The following R3HDML variants were observed in gnomAD, a reference collection of about 807,000 sequenced individuals.
R3HDML encodes the protein peptidase inhibitor R3HDML.
In R3HDML, 21 loss-of-function variants were observed where a neutral mutation model predicts 24.2. The ratio of observed to expected loss-of-function variants is 0.87; its 90% CI spans 0.62 to 1.25. R3HDML has a LOEUF of 1.25. Among genes scored for constraint, R3HDML ranks in the 50% most tolerant of loss-of-function variants. R3HDML has a pLI of 0.00. For synonymous variants in R3HDML, 133 were observed against 131.5 expected, an observed-to-expected ratio of 1.01 and a Z score of -0.08; for missense variants, 301 against 340.3, an observed-to-expected ratio of 0.88 and a Z score of 0.91.
chr20:44,337,178 C>A lies in R3HDML; in HGVS notation c.21C>A (p.Thr7=). 1 of 1,613,336 alleles carries A rather than the reference C, an allele frequency of 6.2e-7. No individual in the cohort carries two copies. Among genetic ancestry groups the A allele is most frequent in the Non-Finnish European group, 8.5e-7 (1 of 1,179,890 alleles). MPLLPS[T]VGLAGLLFWA... is the part of the protein sequence containing the mutation. ...CAGCTATGCCCCTGCTGCCCAGCAC[C>A]GTGGGCCTGGCAGGCCTGCTCTTCT... The change falls in exon 1 of 5, where the codon ACC becomes ACA. Residue 7 remains threonine (T), a synonymous_variant. Transcript: ENST00000217043. This position sits in a 1 kb window ranked among gnomAD's most constrained non-coding sequence, Gnocchi z 4.7.
intron 1 of R3HDML, among the ~76,000 whole-genome samples, chr20:44,338,984 A>AT (rs1015900828): frequency 2.0e-5 from 3 of 151,736 alleles, no homozygotes; most frequent in Non-Finnish European, 2.9e-5. Flanking sequence ...GAGGCAGGAG[A>AT]ATCGCTTGAA....
Position 44,343,388 on chromosome 20 carries a change from T to C in R3HDML, c.392T>C (p.Val131Ala). ...LSIHSGQYRS[V>A]VDLMKSWSEE... ...CCCCGCCTCCCCAGGTACCGGTCCG[T>C]AGTGGATCTCATGAAGTCCTGGTCT... Residue 131 changes from valine (V) to alanine (A), a missense_variant, in exon 3 of 5, where the codon GTA (valine) becomes GCA (alanine). By Grantham distance (64) the Val-to-Ala change is moderately conservative (BLOSUM62 0). Coordinates refer to ENST00000217043, the MANE Select transcript of R3HDML (RefSeq NM_178491.4). The C allele has an allele frequency of 6.2e-7, 1 of 1,611,582 alleles. No individual in the cohort carries two copies. Among genetic ancestry groups the C allele is most frequent in the East Asian group, 2.2e-5 (1 of 44,602 alleles).
rs138012908 is a variant in R3HDML at position 44,337,324 on chromosome 20, G to A, written c.167G>A (p.Arg56His). The change falls in exon 1 of 5, where the codon CGC becomes CAC. Residue 56 changes from arginine to histidine, a missense_variant. Arg to His is a conservative substitution (Grantham distance 29). Coordinates refer to ENST00000217043, the MANE Select transcript of R3HDML (RefSeq NM_178491.4). The surrounding 1 kb of genome is among the most constrained non-coding windows in gnomAD (Gnocchi z 4.7). ...GAGGTGCCCAGGTACCGCCGGAAGCGCCACATCTCTGTGAGAGACATGAAT... is the reference window on the plus strand; with the variant it reads ...GAGGTGCCCAGGTACCGCCGGAAGCACCACATCTCTGTGAGAGACATGAAT... ...GLEVPRYRRKRHISVRDMNAL... is the reference protein window; with the variant it reads ...GLEVPRYRRKHHISVRDMNAL... The A allele has an allele frequency of 4.0e-5, 64 of 1,614,184 alleles. No homozygotes were observed. Among genetic ancestry groups the A allele is most frequent in the South Asian group, 1.2e-4 (11 of 91,082 alleles).
At chr20:44,345,848 C>T (rs1361256782) in intron 4 of R3HDML, among the ~76,000 whole-genome samples, 1 of 125,368 alleles carries the variant, frequency 8.0e-6, no homozygotes, top group Non-Finnish European at 1.9e-5. Context: ...GAGAAGAGGC[C>T]TTGCTCTCTC....
At chr20:44,338,604 AC>A (rs2062764054) in intron 1 of R3HDML, among the ~76,000 whole-genome samples, 1 of 152,142 alleles carries the variant, frequency 6.6e-6, no homozygotes, top group Non-Finnish European at 1.5e-5. Context: ...CGTGTGTGGC[AC>A]CTGCCCCAAC....
chr20:44,338,712 C>T (rs2062764359), intron 1 of R3HDML, among the ~76,000 whole-genome samples: 1 of 152,148 alleles, frequency 6.6e-6, no homozygotes, highest in Non-Finnish European at 1.5e-5. Context: ...TGATGTTTAG[C>T]CTGCTCCTTC....
At chr20:44,338,636 C>G (rs80091683) in intron 1 of R3HDML, among the ~76,000 whole-genome samples, 2 of 152,118 alleles carry the variant, frequency 1.3e-5, no homozygotes, top group African/African-American at 4.8e-5. Context: ...TGATTGCAGG[C>G]GGCATGGAGC....
chr20:44,345,452 C>A, intron 4 of R3HDML, 74 bp downstream of exon 4: 1 of 971,014 alleles, frequency 1.0e-6, no homozygotes, highest in Non-Finnish European at 1.6e-6. Context: ...GAAAGATACG[C>A]TCCATATCCC....
intron 1 of R3HDML, 59 bp from the exon 2 acceptor site, chr20:44,341,135 GAC>G: frequency 1.4e-6 from 2 of 1,393,174 alleles, no homozygotes; most frequent in South Asian, 2.4e-5. Flanking sequence ...TGCATCTCTG[GAC>G]ACAGTTGTGA....
chr20:44,349,978 G>A (rs1416940194), intron 4 of R3HDML, among the ~76,000 whole-genome samples: 6 of 152,224 alleles, frequency 3.9e-5, no homozygotes, highest in African/African-American at 1.4e-4. Context: ...GCTGAGGCAC[G>A]AGAATTGCTT....
chr20:44,344,262 C>T (rs923947705), intron 3 of R3HDML, among the ~76,000 whole-genome samples: 7 of 149,298 alleles, frequency 4.7e-5, no homozygotes, highest in Non-Finnish European at 8.9e-5. Flanking sequence ...GCCTGGGCAA[C>T]AGAACGAGAC....
At chr20:44,339,630 G>C (rs1422769944) in intron 1 of R3HDML, among the ~76,000 whole-genome samples, 1 of 149,092 alleles carries the variant, frequency 6.7e-6, no homozygotes, top group Non-Finnish European at 1.5e-5. Flanking sequence ...TATATATAGA[G>C]AGCTGCTTGT....
intron 4 of R3HDML, among the ~76,000 whole-genome samples, chr20:44,345,829 C>CTTTCTTTTTTTTTTTTTTTT (rs1428987914): frequency 0.013 from 1,863 of 147,270 alleles, 41 homozygotes; most frequent in Non-Finnish European, 0.018. Flanking sequence ...TTCTTTCTTT[C>CTTTCTTTTTTTTTTTTTTTT]TTTTTTTTGA....
chr20:44,338,854 C>T (rs6073413), intron 1 of R3HDML, among the ~76,000 whole-genome samples: 11 of 152,176 alleles, frequency 7.2e-5, no homozygotes, highest in African/African-American at 2.6e-4. Flanking sequence ...GGTGAATCAC[C>T]TGAGGTCAGG....
At chr20:44,346,780 G>C (rs1316809175) in intron 4 of R3HDML, among the ~76,000 whole-genome samples, 1 of 152,228 alleles carries the variant, frequency 6.6e-6, no homozygotes, top group African/African-American at 2.4e-5. Context: ...GGAGATGCCT[G>C]CATACAAGCC....
At chr20:44,342,843 A>C (rs1279968016) in intron 2 of R3HDML, among the ~76,000 whole-genome samples, 1 of 152,186 alleles carries the variant, frequency 6.6e-6, no homozygotes, top group African/African-American at 2.4e-5. Context: ...AGTCCCAGCT[A>C]CTTGGGAGGC....
intron 3 of R3HDML, among the ~76,000 whole-genome samples, chr20:44,344,097 C>T (rs570524572): frequency 5.9e-5 from 9 of 152,180 alleles, no homozygotes; most frequent in African/African-American, 1.9e-4. Flanking sequence ...CTGGCTAACA[C>T]GGTGAGACCC....
At chr20:44,349,614 G>A (rs777477966) in intron 4 of R3HDML, among the ~76,000 whole-genome samples, 3 of 152,174 alleles carry the variant, frequency 2.0e-5, no homozygotes, top group South Asian at 2.1e-4. Flanking sequence ...CAACAATCAC[G>A]TTTGGAGAAA....
intron 3 of R3HDML, among the ~76,000 whole-genome samples, chr20:44,344,491 A>G (rs1366608978): frequency 6.6e-6 from 1 of 151,866 alleles, no homozygotes; most frequent in Non-Finnish European, 1.5e-5. Context: ...TATAGAAAAT[A>G]TATTGGCTGG....
Sources: gnomAD v4.1 joint callset for allele counts (sites outside exome capture counted in the v4.1 genomes callset) on GRCh38, gnomAD v4.1.1 for gene constraint, Gnocchi (gnomAD v3.1) non-coding constraint, MANE v1.5 for transcripts, NCBI Gene and HGNC (gene_info 2026-07-23, HGNC 2026-07-21) for gene names.